LRP4: variants seen among roughly 807,000 people sequenced by gnomAD.
LRP4 encodes low-density lipoprotein receptor-related protein 4.
In LRP4, 95 loss-of-function variants were observed where a neutral mutation model predicts 220.3. That is an observed-to-expected ratio of 0.43 (90% CI 0.37 to 0.51). The LOEUF (loss-of-function observed/expected upper bound fraction) is 0.51. LRP4 is among the 20% of genes least tolerant of loss of function. The pLI is 0.00. For missense variants in LRP4, 1,925 were observed against 2,567.0 expected (o/e 0.75, Z 5.40); for synonymous variants, 903 against 954.6 (o/e 0.95, Z 1.00).
At position 46,869,165 on chromosome 11, in the gene LRP4, T is replaced by C. The variant is rs779457518; in HGVS notation, c.4693-33A>G. 6.8e-6 allele frequency: 11 copies of C among 1,606,736 alleles called. No homozygotes were observed. The South Asian group carries it at 1.2e-4, about 18-fold the overall frequency. On this transcript the variant is annotated intron_variant, in intron 31 of 37. Coordinates refer to ENST00000378623, the MANE Select transcript of LRP4 (RefSeq NM_002334.4). ...ACAGGGGAAGCCCAAAAACAGTAAA[T>C]ATTATTCAGCAAGCAGACTCCTTCC...
At chr11:46,877,099 C>G (rs1182862811) in intron 23 of LRP4, 100 bp downstream of exon 23, 1 of 1,381,990 alleles carries the variant, frequency 7.2e-7, no homozygotes, top group Non-Finnish European at 1.0e-6. Flanking sequence ...GAACAAACAC[C>G]CTGGCTCTTG....
chr11:46,896,107 G>A (rs1204219691), intron 9 of LRP4, 89 bp from the exon 10 acceptor site: 10 of 1,610,936 alleles, frequency 6.2e-6, no homozygotes, highest in Non-Finnish European at 8.5e-6. Context: ...ACAAAGAACA[G>A]CTCCCAAAGC....
chr11:46,874,647 T>C (rs1940961881), intron 28 of LRP4, among the ~76,000 whole-genome samples, 153 bp downstream of exon 28: 1 of 152,214 alleles, frequency 6.6e-6, no homozygotes, highest in Non-Finnish European at 1.5e-5. Context: ...AACTCTGCTG[T>C]AAGTGACAAC....
At chr11:46,871,436 G>T in intron 31 of LRP4, 89 bp downstream of exon 31, 2 of 912,176 alleles carry the variant, frequency 2.2e-6, no homozygotes, top group Non-Finnish European at 3.6e-6. Context: ...CGTCTGTTCA[G>T]TAGCAGCTAT....
At position 46,873,056 on chromosome 11, in the gene LRP4, T is replaced by G. The variant is rs751065296; in HGVS notation, c.4583+44A>C. On this transcript the variant is annotated intron_variant, in intron 30 of 37. Coordinates refer to ENST00000378623, the MANE Select transcript of LRP4 (RefSeq NM_002334.4). The surrounding 1 kb of genome is among the most constrained non-coding windows in gnomAD (Gnocchi z 4.2). ...GGTTAATCTCAACCATTCTCTCTTC[T>G]GCCCACCCGATTTCCAGGAGGCTGT... 6.2e-7 allele frequency: 1 copy of G among 1,613,916 alleles called. No homozygotes were observed. The highest frequency in any genetic ancestry group is 1.1e-5 in the South Asian group (1 of 91,070).
intron 2 of LRP4, among the ~76,000 whole-genome samples, chr11:46,900,873 G>A (rs531466813): frequency 1.3e-5 from 2 of 149,840 alleles, no homozygotes; most frequent in South Asian, 2.2e-4. Flanking sequence ...TGCAACCACC[G>A]CCTCCTGGGT....
chr11:46,861,448 G>GA (rs989832069), intron 37 of LRP4, among the ~76,000 whole-genome samples: 2 of 144,966 alleles, frequency 1.4e-5, no homozygotes, highest in African/African-American at 2.5e-5. Context: ...AGGATTTTAG[G>GA]AAAAAAACAA....
chr11:46,866,846 G>C (rs1294957345), intron 34 of LRP4, among the ~76,000 whole-genome samples: 3 of 152,168 alleles, frequency 2.0e-5, no homozygotes, highest in South Asian at 2.1e-4. Context: ...CATGAAACCA[G>C]GAGGTCGAGG....
At position 46,899,970 on chromosome 11, in the gene LRP4, C is replaced by CG. The variant is rs35014453; in HGVS notation, c.322dup (p.Arg108ProfsTer4). The CG allele has an allele frequency of 1.2e-6, 2 of 1,612,640 alleles. No individual in the cohort carries two copies. The highest frequency in any genetic ancestry group is 1.7e-6 in the Non-Finnish European group (2 of 1,179,296). On this transcript the variant is annotated frameshift_variant, in exon 4 of 38. Coordinates refer to ENST00000378623, the MANE Select transcript of LRP4 (RefSeq NM_002334.4). LOFTEE classifies it high-confidence loss of function. This position sits in a 1 kb window ranked among gnomAD's most constrained non-coding sequence, Gnocchi z 5.9. ...GGGAAACTCGTCCTCCTCACACTCCCGGGGGGCTGTGGGCACAGAGCAGTC... is the reference window on the plus strand; with the variant it reads ...GGGAAACTCGTCCTCCTCACACTCCCGGGGGGGCTGTGGGCACAGAGCAGTC...
chr11:46,876,397 C>A (rs981823392), intron 25 of LRP4, 69 bp downstream of exon 25: 4 of 1,594,328 alleles, frequency 2.5e-6, no homozygotes, highest in Non-Finnish European at 3.4e-6. Flanking sequence ...CACTACCCAC[C>A]TTTACCCCGT....
chr11:46,865,260 G>C, intron 34 of LRP4, 74 bp from the exon 35 acceptor site: 2 of 1,086,652 alleles, frequency 1.8e-6, no homozygotes, highest in Non-Finnish European at 2.8e-6. Flanking sequence ...CAGGAAAGGG[G>C]GAAAGGCCTG....
rs1287318293 is a variant in LRP4, at chr11:46,918,158, T to A, written c.52+170A>T. On this transcript the variant is annotated intron_variant, in intron 1 of 37. Coordinates refer to ENST00000378623, the MANE Select transcript of LRP4 (RefSeq NM_002334.4). The surrounding 1 kb of genome is among the most constrained non-coding windows in gnomAD (Gnocchi z 6.0). ...CCTCCGCTGATGCCCCCGCTCGGAC[T>A]GCTGGAGCCGGGGCCGCTCCGGGTC... is the stretch of plus-strand genomic sequence containing the variant. Among the ~76,000 whole-genome samples, 5 of 151,576 alleles carry A rather than the reference T, an allele frequency of 3.3e-5. No homozygotes were observed. Among genetic ancestry groups the A allele is most frequent in the Admixed American group, 3.3e-4 (5 of 15,270 alleles).
At chr11:46,876,387 C>T (rs1481280593) in intron 25 of LRP4, 79 bp downstream of exon 25, 4 of 1,558,186 alleles carry the variant, frequency 2.6e-6, no homozygotes, top group East Asian at 2.2e-5. Context: ...GCTTCCTCTC[C>T]ACTACCCACC....
rs754009544 is a variant in LRP4 at position 46,890,522 on chromosome 11, T to C, written c.1698-28A>G. On this transcript the variant is annotated intron_variant, in intron 13 of 37. Coordinates refer to ENST00000378623, the MANE Select transcript of LRP4 (RefSeq NM_002334.4). The surrounding 1 kb of genome is among the most constrained non-coding windows in gnomAD (Gnocchi z 5.3). ...AGGAAGAGAAAAGTAAATTGGGAAG[T>C]GGGCAGCAGAAAACAGGTAGGTAAC... 11 of 1,538,894 alleles carry C rather than the reference T, an allele frequency of 7.1e-6. No individual in the cohort carries two copies. Among genetic ancestry groups the C allele is most frequent in the Non-Finnish European group, 9.9e-6 (11 of 1,114,208 alleles).
chr11:46,913,534 C>T (rs988762306), intron 1 of LRP4, among the ~76,000 whole-genome samples: 4 of 152,124 alleles, frequency 2.6e-5, no homozygotes, highest in African/African-American at 4.8e-5. Context: ...ATGGTAGCTG[C>T]GAAGGCTCCA....
intron 37 of LRP4, among the ~76,000 whole-genome samples, chr11:46,860,526 G>T (rs1471822113): frequency 2.0e-5 from 3 of 152,146 alleles, no homozygotes; most frequent in East Asian, 3.9e-4. Context: ...GAAGAAAATG[G>T]ATCATCTTGG....
intron 13 of LRP4, among the ~76,000 whole-genome samples, chr11:46,892,729 G>A (rs1350895452): frequency 6.6e-6 from 1 of 152,116 alleles, no homozygotes; most frequent in Non-Finnish European, 1.5e-5. Context: ...CCGCCACCAT[G>A]CCTGGCTAAT....
intron 34 of LRP4, among the ~76,000 whole-genome samples, chr11:46,866,804 C>T (rs577004597): frequency 8.5e-5 from 13 of 152,094 alleles, no homozygotes; most frequent in Admixed American, 3.9e-4. Flanking sequence ...TTTATAGTCC[C>T]GGCTACCTGG....
intron 1 of LRP4, among the ~76,000 whole-genome samples, chr11:46,913,445 G>GAA (rs372209953): frequency 1.4e-4 from 21 of 152,254 alleles, no homozygotes; most frequent in African/African-American, 4.8e-4. Context: ...TGAGGTGGAG[G>GAA]AACTAGGGGT....
Sources: gnomAD v4.1 joint callset for allele counts (sites outside exome capture counted in the v4.1 genomes callset) on GRCh38, gnomAD v4.1.1 for gene constraint, Gnocchi (gnomAD v3.1) non-coding constraint, MANE v1.5 for transcripts, NCBI Gene and HGNC (gene_info 2026-07-23, HGNC 2026-07-21) for gene names.